JAK1: variants seen among roughly 807,000 people sequenced by gnomAD.
JAK1 encodes the protein Janus kinase 1, also known as tyrosine-protein kinase JAK1.
A neutral mutation model predicts 136.6 loss-of-function variants in JAK1; 16 were observed. That is an observed-to-expected ratio of 0.12 (90% CI 0.08 to 0.18). JAK1 has a LOEUF of 0.18. Ranked by LOEUF, JAK1 falls within the 10% of genes least tolerant of loss-of-function variation. The pLI, the probability that JAK1 is intolerant of heterozygous loss-of-function variation, is 1.00. For missense variants in JAK1, 859 were observed against 1,450.1 expected (o/e 0.59, Z 6.62); for synonymous variants, 492 against 519.5 (o/e 0.95, Z 0.72).
chr1:64,879,973 T>C (rs1291876997), intron 3 of JAK1, among the ~76,000 whole-genome samples: 1 of 152,178 alleles, frequency 6.6e-6, no homozygotes, highest in African/African-American at 2.4e-5. Flanking sequence ...AATAATCAGC[T>C]ATTACTGATA....
intron 2 of JAK1, among the ~76,000 whole-genome samples, chr1:65,030,074 G>T (rs928067227): frequency 2.6e-5 from 4 of 152,110 alleles, no homozygotes; most frequent in African/African-American, 7.2e-5. Context: ...AAGTAATTAG[G>T]TTTAGCGAGA....
rs1159794825 is a variant in JAK1, at chr1:64,886,283, T to C, written c.-19A>G. 1 of 1,596,990 alleles carries C rather than the reference T, an allele frequency of 6.3e-7. No individual in the cohort carries two copies. The highest frequency in any genetic ancestry group is 2.3e-5 in the East Asian group (1 of 44,120). ...CCTGCATTTATTCAGCTGTCCAGTG[T>C]TCTCCAAGAAGCAAACTGGATTTTC... On this transcript the variant is annotated 5_prime_UTR_variant, in exon 2 of 25. Coordinates refer to ENST00000342505, the MANE Select transcript of JAK1 (RefSeq NM_002227.4).
chr1:64,905,224 GCCT>G (rs1229484664), intron 1 of JAK1, among the ~76,000 whole-genome samples: 1 of 152,168 alleles, frequency 6.6e-6, no homozygotes, highest in Admixed American at 6.5e-5. Flanking sequence ...AGGAAACCCT[GCCT>G]CATCTCCAGT....
At chr1:64,957,051 CAAG>C (rs897207753) in intron 1 of JAK1, among the ~76,000 whole-genome samples, 1 of 152,114 alleles carries the variant, frequency 6.6e-6, no homozygotes, top group Non-Finnish European at 1.5e-5. Flanking sequence ...AATGTGACAG[CAAG>C]AAGGTCACTG....
intron 1 of JAK1, among the ~76,000 whole-genome samples, chr1:65,054,882 G>T (rs1275215310): frequency 6.6e-6 from 1 of 152,178 alleles, no homozygotes; most frequent in Non-Finnish European, 1.5e-5. Flanking sequence ...AATGCATAAA[G>T]ACATGGCAAT....
At chr1:64,959,055 C>T (rs773769704) in intron 1 of JAK1, among the ~76,000 whole-genome samples, 11 of 152,184 alleles carry the variant, frequency 7.2e-5, no homozygotes, top group African/African-American at 1.4e-4. Context: ...AATTAGGGAG[C>T]TTTCTTGTCT....
intron 11 of JAK1, among the ~76,000 whole-genome samples, chr1:64,851,962 C>T (rs1557633877): frequency 6.6e-6 from 1 of 152,212 alleles, no homozygotes; most frequent in Non-Finnish European, 1.5e-5. Flanking sequence ...AAAAGAACAT[C>T]TGTAGAACAG....
intron 1 of JAK1, among the ~76,000 whole-genome samples, chr1:65,063,152 G>T (rs1160000786): frequency 2.6e-5 from 4 of 152,114 alleles, no homozygotes; most frequent in Non-Finnish European, 4.4e-5. Context: ...GGTGGGGAGG[G>T]GGACAGAAAG....
chr1:64,835,857 C>T (rs1158651809), intron 23 of JAK1, among the ~76,000 whole-genome samples: 8 of 152,148 alleles, frequency 5.3e-5, no homozygotes, highest in Admixed American at 5.2e-4. Flanking sequence ...CCCTTCATCT[C>T]TACACAGATA....
chr1:64,905,830 A>G (rs1008244761), intron 1 of JAK1, among the ~76,000 whole-genome samples: 3 of 152,176 alleles, frequency 2.0e-5, no homozygotes, highest in Non-Finnish European at 4.4e-5. Flanking sequence ...CTAAATGAGG[A>G]AAAGAGGTCA....
intron 1 of JAK1, among the ~76,000 whole-genome samples, chr1:64,962,214 C>T (rs530599275): frequency 6.6e-6 from 1 of 152,336 alleles, no homozygotes; most frequent in African/African-American, 2.4e-5. Flanking sequence ...CTGAGATTCA[C>T]TGCAAGAGCT....
chr1:64,970,625 G>A (rs564673293), upstream of JAK1, among the ~76,000 whole-genome samples: 81 of 151,868 alleles, frequency 5.3e-4, no homozygotes, highest in Non-Finnish European at 6.9e-4. Flanking sequence ...TTAGCCAGGC[G>A]TGGTGGCATG....
At chr1:64,983,788 C>G (rs564485215) in intron 2 of JAK1, among the ~76,000 whole-genome samples, 2 of 152,248 alleles carry the variant, frequency 1.3e-5, no homozygotes, top group Admixed American at 6.5e-5. Context: ...TCCTGGACTT[C>G]AAGTAATACT....
chr1:65,061,265 T>A (rs1034850472), intron 1 of JAK1, among the ~76,000 whole-genome samples: 2 of 151,896 alleles, frequency 1.3e-5, no homozygotes, highest in Non-Finnish European at 2.9e-5. Context: ...CAAAAAATAG[T>A]ATGAGCAGGG....
intron 1 of JAK1, chr1:64,942,135 G>A (rs750500128): frequency 2.6e-5 from 4 of 152,150 alleles, no homozygotes; most frequent in Admixed American, 6.5e-5. Flanking sequence ...GATGAAATTC[G>A]ATATATCTTG....
chr1:65,004,776 G>C (rs79758337), intron 2 of JAK1, among the ~76,000 whole-genome samples: 3,440 of 152,226 alleles, frequency 0.023, 121 homozygotes, highest in African/African-American at 0.079. Context: ...TCTTATCCAG[G>C]AAGAAGCTGG....
intron 19 of JAK1, 60 bp downstream of exon 19, chr1:64,841,185 T>G (rs571250197): frequency 1.2e-5 from 14 of 1,177,690 alleles, no homozygotes; most frequent in South Asian, 2.5e-5. Flanking sequence ...GTGCAGAGAG[T>G]GGCGCTGTGG....
chr1:64,982,102 GCA>G (rs1557741601), intron 2 of JAK1, among the ~76,000 whole-genome samples: 2 of 129,546 alleles, frequency 1.5e-5, no homozygotes, highest in African/African-American at 3.2e-5. Context: ...ACACACACAC[GCA>G]CACACACACG....
chr1:64,886,436 G>T, intron 1 of JAK1, 95 bp from the exon 2 acceptor site: 1 of 612,122 alleles, frequency 1.6e-6, no homozygotes, highest in Non-Finnish European at 2.5e-6. Flanking sequence ...CAAACCATAA[G>T]CAGGCAAGAA....
Sources: allele counts gnomAD v4.1 joint callset (sites outside exome capture counted in the v4.1 genomes callset), GRCh38; gene constraint gnomAD v4.1.1; transcripts MANE v1.5; gene names NCBI Gene and HGNC (gene_info 2026-07-23, HGNC 2026-07-21).